The following FER1L6 variants were observed in gnomAD, a reference collection of about 807,000 sequenced individuals.
FER1L6 encodes fer-1-like protein 6.
FER1L6 carries 177 observed loss-of-function variants against 219.2 expected under a neutral mutation model. The ratio of observed to expected loss-of-function variants is 0.81; its 90% CI spans 0.71 to 0.91. The LOEUF (loss-of-function observed/expected upper bound fraction) is 0.91, where lower values mean the gene tolerates loss of function less well. FER1L6 is among the 40% of genes least tolerant of loss of function. The pLI is 0.00. For synonymous variants in FER1L6, 768 were observed against 824.3 expected, an observed-to-expected ratio of 0.93 and a Z score of 1.17; for missense variants, 2,153 against 2,259.9, an observed-to-expected ratio of 0.95 and a Z score of 0.96.
chr8:124,003,371 C>G (rs773818524), intron 13 of FER1L6, 24 bp downstream of exon 13: 3 of 1,528,264 alleles, frequency 2.0e-6, no homozygotes, highest in Non-Finnish European at 2.7e-6. Flanking sequence ...CCTGGGAGAA[C>G]AGTCAAGGAT....
At chr8:123,882,007 G>A (rs957465759) in intron 1 of FER1L6, among the ~76,000 whole-genome samples, 2 of 152,092 alleles carry the variant, frequency 1.3e-5, no homozygotes, top group Admixed American at 6.5e-5. Flanking sequence ...TTGAACTACT[G>A]CATTATAATC....
intron 1 of FER1L6, among the ~76,000 whole-genome samples, chr8:123,945,894 C>A: frequency 6.6e-6 from 1 of 152,184 alleles, no homozygotes. Flanking sequence ...TTTCATATGT[C>A]TTTAGTATAT....
At chr8:124,102,625 TTG>T (rs1217634818) in intron 38 of FER1L6, among the ~76,000 whole-genome samples, 1 of 152,258 alleles carries the variant, frequency 6.6e-6, no homozygotes, top group East Asian at 1.9e-4. Context: ...TTACTCTGCC[TTG>T]TGTTCCCTCG....
intron 1 of FER1L6, among the ~76,000 whole-genome samples, chr8:123,938,396 G>C (rs1814087631): frequency 6.6e-6 from 1 of 152,124 alleles, no homozygotes; most frequent in Non-Finnish European, 1.5e-5. Flanking sequence ...TGGGAGTTGA[G>C]GTTCAGTCAC....
intron 18 of FER1L6, among the ~76,000 whole-genome samples, chr8:124,033,664 T>A (rs1819070268): frequency 6.6e-6 from 1 of 152,234 alleles, no homozygotes. Flanking sequence ...GCATCATTCC[T>A]GGCACAGAGT....
chr8:123,884,209 T>C (rs2129672847), intron 1 of FER1L6, among the ~76,000 whole-genome samples: 1 of 152,332 alleles, frequency 6.6e-6, no homozygotes, highest in South Asian at 2.1e-4. Flanking sequence ...AGTTGAGTAA[T>C]GGTGTTCTCC....
intron 1 of FER1L6, among the ~76,000 whole-genome samples, chr8:123,863,309 C>T (rs1816775897): frequency 5.7e-5 from 2 of 35,068 alleles, no homozygotes; most frequent in Non-Finnish European, 1.1e-4. Context: ...ATTCTTAATC[C>T]TGAGTTCTAG....
At chr8:123,901,518 T>C (rs1274724379) in intron 1 of FER1L6, among the ~76,000 whole-genome samples, 1 of 123,906 alleles carries the variant, frequency 8.1e-6, no homozygotes, top group African/African-American at 3.3e-5. Flanking sequence ...ATCTTGGTTA[T>C]TTCCTTTCTT....
intron 10 of FER1L6, among the ~76,000 whole-genome samples, chr8:123,978,455 G>T (rs1358082509): frequency 6.6e-6 from 1 of 152,086 alleles, no homozygotes; most frequent in Non-Finnish European, 1.5e-5. Context: ...TCAGGTAAAA[G>T]AATTTCCACT....
chr8:124,016,526 C>A (rs1354361278), intron 15 of FER1L6, among the ~76,000 whole-genome samples: 1 of 152,120 alleles, frequency 6.6e-6, no homozygotes, highest in Non-Finnish European at 1.5e-5. Context: ...TCCAAACCTA[C>A]TCTCCAGTGA....
chr8:124,089,535 C>G (rs1352444953), intron 33 of FER1L6, among the ~76,000 whole-genome samples: 2 of 152,202 alleles, frequency 1.3e-5, no homozygotes, highest in South Asian at 4.1e-4. Context: ...TCTCCCTCCC[C>G]CAAACTCCCA....
chr8:123,929,045 T>C (rs1468734336), intron 1 of FER1L6, among the ~76,000 whole-genome samples: 2 of 152,166 alleles, frequency 1.3e-5, no homozygotes, highest in Non-Finnish European at 2.9e-5. Context: ...GGGAATGAGG[T>C]CTCCTGAGGA....
At chr8:123,912,959 T>A (rs1220904516) in intron 1 of FER1L6, among the ~76,000 whole-genome samples, 1 of 152,142 alleles carries the variant, frequency 6.6e-6, no homozygotes, top group Non-Finnish European at 1.5e-5. Flanking sequence ...GATCACCGGG[T>A]GTTAGACCCA....
In FER1L6 at chr8:124,070,577, C is replaced by T; in HGVS notation, c.3945C>T (p.Asp1315=). The T allele has an allele frequency of 6.3e-7, 1 of 1,591,156 alleles. No individual in the cohort carries two copies. The highest frequency in any genetic ancestry group is 8.5e-7 in the Non-Finnish European group (1 of 1,172,432). ...STEDDHGLDG[D]RVIGKFKGSF... ...AAGATGACCATGGTCTTGATGGAGA[C>T]CGAGTCATAGGAAAATTTAAGGCAG... Residue 1315 remains aspartate (D), a synonymous_variant, in exon 30 of 41, where the codon GAC becomes GAT. Transcript: ENST00000522917.
At chr8:123,930,316 T>C (rs532187328) in intron 1 of FER1L6, among the ~76,000 whole-genome samples, 66 of 151,812 alleles carry the variant, frequency 4.3e-4, no homozygotes, top group South Asian at 2.7e-3. Context: ...TCTATCTCTA[T>C]TTTTTATAAC....
chr8:123,916,470 C>G (rs974587859), intron 1 of FER1L6, among the ~76,000 whole-genome samples: 1 of 152,186 alleles, frequency 6.6e-6, no homozygotes, highest in Admixed American at 6.5e-5. Flanking sequence ...GCCCTACTCT[C>G]TTGCCACAGT....
chr8:124,005,766 T>G (rs1817629022), intron 13 of FER1L6, among the ~76,000 whole-genome samples: 1 of 152,160 alleles, frequency 6.6e-6, no homozygotes, highest in Non-Finnish European at 1.5e-5. Context: ...GTCAGGTGAG[T>G]AATCCCACTG....
intron 22 of FER1L6, among the ~76,000 whole-genome samples, chr8:124,059,726 G>C (rs1413780168): frequency 2.0e-5 from 3 of 152,210 alleles, no homozygotes; most frequent in African/African-American, 7.2e-5. Context: ...TGTAGTAGTA[G>C]TATTAGTATT....
At chr8:124,081,425 TATCTC>T (rs953171782) in intron 32 of FER1L6, among the ~76,000 whole-genome samples, 6 of 152,102 alleles carry the variant, frequency 3.9e-5, no homozygotes, top group African/African-American at 1.4e-4. Flanking sequence ...ACCTGGCACT[TATCTC>T]AGATTGGCCT....
Sources: gnomAD v4.1 joint callset for allele counts (sites outside exome capture counted in the v4.1 genomes callset) on GRCh38, gnomAD v4.1.1 for gene constraint, MANE v1.5 for transcripts, NCBI Gene and HGNC (gene_info 2026-07-23, HGNC 2026-07-21) for gene names.